HCK: variants seen among roughly 807,000 people sequenced by gnomAD.
The protein encoded by HCK is HCK proto-oncogene, Src family tyrosine kinase.
A neutral mutation model predicts 70.4 loss-of-function variants in HCK; 40 were observed. The ratio of observed to expected loss-of-function variants is 0.57; its 90% CI spans 0.44 to 0.74. HCK has a LOEUF of 0.74. Ranked by LOEUF, HCK falls within the 30% of genes least tolerant of loss-of-function variation. The pLI, the probability that HCK is intolerant of heterozygous loss-of-function variation, is 0.00. For missense variants in HCK, 568 were observed against 697.2 expected (o/e 0.81, Z 2.09); for synonymous variants, 245 against 263.2 (o/e 0.93, Z 0.67).
At position 32,086,615 on chromosome 20, in the gene HCK, T is replaced by C. The variant is rs1323767362; in HGVS notation, c.836-13T>C. On this transcript the variant is annotated splice_polypyrimidine_tract_variant and intron_variant, in intron 8 of 12. Coordinates refer to ENST00000375852, the MANE Select transcript of HCK (RefSeq NM_002110.5). The stretch of plus-strand genomic sequence containing the variant: ...GGCTCTGACCACCTTCCCTGCTCTC[T>C]ATCCCCCTCCAGCCACCTACAACAA... 3 of 1,599,746 alleles carry C rather than the reference T, an allele frequency of 1.9e-6. No homozygotes were observed. Among genetic ancestry groups the C allele is most frequent in the Non-Finnish European group, 2.6e-6 (3 of 1,173,572 alleles).
At chr20:32,061,795 AAGGAGACAGATCTGAG>A (rs2045381511) in intron 1 of HCK, among the ~76,000 whole-genome samples, 1 of 152,074 alleles carries the variant, frequency 6.6e-6, no homozygotes, top group South Asian at 2.1e-4. Flanking sequence ...GGAGAGTTAG[AAGGAGACAGATCTGAG>A]AGGCTGAGGA....
At chr20:32,085,755 C>G (rs1446881352) in intron 8 of HCK, among the ~76,000 whole-genome samples, 1 of 152,058 alleles carries the variant, frequency 6.6e-6, no homozygotes, top group African/African-American at 2.4e-5. Flanking sequence ...GGGGAGGGAA[C>G]AGCATGTGCC....
chr20:32,093,977 G>A lies in HCK; in HGVS notation c.1207G>A (p.Ala403Thr). The A allele has an allele frequency of 6.2e-7, 1 of 1,613,950 alleles. No individual in the cohort carries two copies. The highest frequency in any genetic ancestry group is 8.5e-7 in the Non-Finnish European group (1 of 1,179,962). Residue 403 changes from alanine (A) to threonine (T), a missense_variant, in exon 11 of 13, where the codon GCC (alanine) becomes ACC (threonine). Physicochemically the swap from Ala to Thr is moderately conservative, Grantham distance 58. Coordinates refer to ENST00000375852, the MANE Select transcript of HCK (RefSeq NM_002110.5). ...GTGTAAGATTGCTGACTTTGGCCTG[G>A]CCCGGGTCATTGAGGACAACGAGTA...
At chr20:32,099,791 G>A (rs911036978) in intron 12 of HCK, among the ~76,000 whole-genome samples, 7 of 152,048 alleles carry the variant, frequency 4.6e-5, no homozygotes, top group Admixed American at 2.6e-4. Context: ...ATGGTGCAGC[G>A]GCATCCTCAT....
intron 11 of HCK, among the ~76,000 whole-genome samples, chr20:32,094,822 A>AG (rs2045930159): frequency 6.7e-6 from 1 of 149,708 alleles, no homozygotes; most frequent in Non-Finnish European, 1.5e-5. Flanking sequence ...AGAAAGAAAG[A>AG]AAGAAAGAAA....
At position 32,058,222 on chromosome 20, in the gene HCK, C is replaced by T. The variant is rs113357682; in HGVS notation, c.62+5736C>T. Among the ~76,000 whole-genome samples the T allele has an allele frequency of 6.8e-3, 185 of 27,168 alleles. 1 individual carries two copies. The highest frequency in any genetic ancestry group is 0.022 in the African/African-American group (169 of 7,584). The allele number at this position is 27,168 out of a possible 152,430, so 17.8% of individuals were successfully genotyped here. On this transcript the variant is annotated intron_variant, in intron 1 of 12. Coordinates refer to ENST00000375852, the MANE Select transcript of HCK (RefSeq NM_002110.5). Reference sequence around the variant, plus strand: ...TCTCTTCCCTTTCTGAGCCTCAGTTCCCAAATCCAAAAAAAAAATGGAACT... The same window carrying T: ...TCTCTTCCCTTTCTGAGCCTCAGTTTCCAAATCCAAAAAAAAAATGGAACT...
At chr20:32,090,107 T>C (rs1569002883) in intron 10 of HCK, among the ~76,000 whole-genome samples, 3 of 152,196 alleles carry the variant, frequency 2.0e-5, no homozygotes, top group Non-Finnish European at 4.4e-5. Flanking sequence ...CAGAGGCATA[T>C]GGAAATGTGT....
intron 5 of HCK, among the ~76,000 whole-genome samples, chr20:32,075,203 T>A (rs1177285736): frequency 3.9e-5 from 6 of 152,016 alleles, no homozygotes; most frequent in African/African-American, 1.5e-4. Flanking sequence ...GTTGTTTTGT[T>A]TTGTTTTGAG....
In HCK at chr20:32,071,704, T is replaced by C. The variant is rs1447308937; in HGVS notation, c.105T>C (p.Asn35=). The change falls in exon 2 of 13, where the codon AAT becomes AAC. Residue 35 remains asparagine, a synonymous_variant. Coordinates refer to ENST00000375852, the MANE Select transcript of HCK (RefSeq NM_002110.5). ...CCAAGTTCCTCCAGGTCGGAGGCAA[T>C]ACATTCTCAAAAACTGAAACCAGCG... is the stretch of plus-strand genomic sequence containing the variant. 1 of 1,614,098 alleles carries C rather than the reference T, an allele frequency of 6.2e-7. No homozygotes were observed.
intron 12 of HCK, 75 bp from the exon 13 acceptor site, chr20:32,101,242 A>T (rs1263367350): frequency 2.3e-6 from 3 of 1,327,468 alleles, no homozygotes; most frequent in East Asian, 4.9e-5. Context: ...CCTGCTGGGG[A>T]GGCCACAGGG....
At chr20:32,074,556 G>A (rs1025191988) in intron 4 of HCK, 67 bp from the exon 5 acceptor site, 148 of 1,189,022 alleles carry the variant, frequency 1.2e-4, no homozygotes, top group Non-Finnish European at 1.8e-4. Context: ...GTCAAGGCTG[G>A]GGAGCTTGAG....
intron 9 of HCK, 43 bp downstream of exon 9, chr20:32,086,850 T>C (rs1269620834): frequency 6.7e-7 from 1 of 1,489,188 alleles, no homozygotes; most frequent in Non-Finnish European, 9.0e-7. Context: ...TGGCCTATAC[T>C]GGTCAATTGC....
Position 32,083,885 on chromosome 20 carries a change from T to G in HCK, c.533-9T>G. 1 of 1,614,054 alleles carries G rather than the reference T, an allele frequency of 6.2e-7. No individual in the cohort carries two copies. The highest frequency in any genetic ancestry group is 8.5e-7 in the Non-Finnish European group (1 of 1,179,990). ...GCCATTCTGAGGGGTTTCTCTTTGG[T>G]CAATTCAGGAAGCTACTCTTTGTCC... On this transcript the variant is annotated splice_polypyrimidine_tract_variant and intron_variant, in intron 6 of 12. Coordinates refer to ENST00000375852, the MANE Select transcript of HCK (RefSeq NM_002110.5).
Position 32,079,790 on chromosome 20 carries a change from A to G in HCK, c.445A>G (p.Ile149Val), listed in dbSNP as rs2045682228. The G allele has an allele frequency of 1.1e-5, 17 of 1,613,952 alleles. No individual in the cohort carries two copies. The highest frequency in any genetic ancestry group is 1.4e-5 in the Non-Finnish European group (16 of 1,179,838). Residue 149 changes from isoleucine to valine, a missense_variant, in exon 6 of 13, where the codon ATC becomes GTC. Ile to Val is a conservative substitution (Grantham distance 29). Transcript: ENST00000375852. ...TTCCATCAGGTGGTTTTTCAAGGGCATCAGCCGGAAGGACGCAGAGCGCCA... is the reference window on the plus strand; with the variant it reads ...TTCCATCAGGTGGTTTTTCAAGGGCGTCAGCCGGAAGGACGCAGAGCGCCA...
chr20:32,058,540 A>G (rs2045309883), intron 1 of HCK, among the ~76,000 whole-genome samples: 1 of 150,570 alleles, frequency 6.6e-6, no homozygotes, highest in Admixed American at 6.6e-5. Context: ...CAAAAAAAAA[A>G]AAAAGGGGGA....
intron 8 of HCK, 109 bp downstream of exon 8, chr20:32,084,652 G>C (rs955543267): frequency 6.1e-6 from 6 of 990,920 alleles, no homozygotes; most frequent in Non-Finnish European, 7.4e-6. Context: ...CCAAGGCAGA[G>C]GGGGAGATTT....
rs146970146 is a variant in HCK at position 32,097,222 on chromosome 20, G to A, written c.1247-1782G>A. On this transcript the variant is annotated intron_variant, in intron 11 of 12. Coordinates refer to ENST00000375852, the MANE Select transcript of HCK (RefSeq NM_002110.5). The stretch of plus-strand genomic sequence containing the variant: ...TTGAGCCCAGGAGGTTGAGGCTGCA[G>A]TGAGCCAAGATCATGTCACTGCACT... Among the ~76,000 whole-genome samples the A allele has an allele frequency of 6.3e-3, 958 of 152,060 alleles. 12 individuals carry two copies. Among genetic ancestry groups the A allele is most frequent in the African/African-American group, 0.021 (878 of 41,472 alleles).
At chr20:32,052,601 G>C in intron 1 of HCK, 115 bp downstream of exon 1, 1 of 760,374 alleles carries the variant, frequency 1.3e-6, no homozygotes, top group Non-Finnish European at 1.8e-6. Context: ...GGGCAGCGAG[G>C]GGAGACGGAA....
intron 6 of HCK, among the ~76,000 whole-genome samples, chr20:32,082,284 A>G (rs1232832007): frequency 1.3e-5 from 2 of 152,172 alleles, no homozygotes; most frequent in African/African-American, 2.4e-5. Flanking sequence ...TTATTCATTC[A>G]TTGTTCATCT....
Sources: allele counts gnomAD v4.1 joint callset (sites outside exome capture counted in the v4.1 genomes callset), GRCh38; gene constraint gnomAD v4.1.1; transcripts MANE v1.5; gene names NCBI Gene and HGNC (gene_info 2026-07-23, HGNC 2026-07-21).